Variants in GRIK2 observed in about 807,000 individuals in gnomAD.
GRIK2 encodes the protein glutamate receptor ionotropic, kainate 2.
In GRIK2, 32 loss-of-function variants were observed where a neutral mutation model predicts 100.3. That is an observed-to-expected ratio of 0.32 (90% CI 0.24 to 0.43). The LOEUF is 0.43. Ranked by LOEUF, GRIK2 falls within the 20% of genes least tolerant of loss-of-function variation. GRIK2 has a pLI of 1.00. For synonymous variants in GRIK2, 417 were observed against 389.4 expected, an observed-to-expected ratio of 1.07 and a Z score of -0.83; for missense variants, 843 against 1,114.9, an observed-to-expected ratio of 0.76 and a Z score of 3.47.
At chr6:101,668,419 C>T (rs377272713) in intron 4 of GRIK2, among the ~76,000 whole-genome samples, 1 of 152,158 alleles carries the variant, frequency 6.6e-6, no homozygotes, top group South Asian at 2.1e-4. Context: ...ATTTTTACAG[C>T]ATTGCCACAC....
At chr6:101,441,912 T>C (rs1325486030) in intron 2 of GRIK2, among the ~76,000 whole-genome samples, 1 of 151,784 alleles carries the variant, frequency 6.6e-6, no homozygotes, top group South Asian at 2.1e-4. Context: ...GAAAGTAGTC[T>C]GGGAAACTTC....
At chr6:101,667,024 C>T (rs779772308) in intron 4 of GRIK2, among the ~76,000 whole-genome samples, 8 of 152,120 alleles carry the variant, frequency 5.3e-5, no homozygotes, top group Non-Finnish European at 1.2e-4. Flanking sequence ...AAGTTTAAAA[C>T]ATTTAAATAC....
At chr6:101,534,191 T>G (rs1231473294) in intron 2 of GRIK2, among the ~76,000 whole-genome samples, 1 of 151,866 alleles carries the variant, frequency 6.6e-6, no homozygotes, top group Non-Finnish European at 1.5e-5. Context: ...TAGTCTGCTT[T>G]CAGTAGACAG....
chr6:101,730,136 T>C (rs1775157052), intron 7 of GRIK2, among the ~76,000 whole-genome samples: 1 of 151,946 alleles, frequency 6.6e-6, no homozygotes, highest in South Asian at 2.1e-4. Context: ...ACAGTTTACT[T>C]TGGCAGAATC....
At chr6:101,780,883 G>C (rs1562379898) in intron 7 of GRIK2, among the ~76,000 whole-genome samples, 1 of 152,168 alleles carries the variant, frequency 6.6e-6, no homozygotes, top group Non-Finnish European at 1.5e-5. Flanking sequence ...AAGCAAACTA[G>C]AATGTTGAAG....
chr6:101,435,394 T>A lies in GRIK2; in HGVS notation c.115+36002T>A, dbSNP rs902914849. ...TGTGAAGGCACACGGTGATTTTTTT[T>A]TTTTTTTTTGGCAATAAAAGAAAGT... On this transcript the variant is annotated intron_variant, in intron 2 of 16. Transcript: ENST00000369134. Among the ~76,000 whole-genome samples the A allele has an allele frequency of 9.9e-5, 15 of 152,172 alleles. 1 individual carries two copies. Among genetic ancestry groups the A allele is most frequent in the Admixed American group, 9.2e-4 (14 of 15,266 alleles).
At position 102,068,667 on chromosome 6, in the gene GRIK2, G is replaced by A. The variant is rs1772132983; in HGVS notation, c.*156G>A. On this transcript the variant is annotated 3_prime_UTR_variant, in exon 17 of 17. Coordinates refer to ENST00000369134, the MANE Select transcript of GRIK2 (RefSeq NM_021956.5). ...TAGAGACTCTGTGATCTAAGCAGTT[G>A]CAATGATCAGACTTGATTTACAAGC... 1.6e-6 allele frequency: 1 copy of A among 619,194 alleles called. No individual in the cohort carries two copies. The allele number at this position is 619,194 out of a possible 1,614,324, so 38.4% of individuals were successfully genotyped here.
At chr6:101,759,961 C>A (rs1174250157) in intron 7 of GRIK2, among the ~76,000 whole-genome samples, 4 of 102,610 alleles carry the variant, frequency 3.9e-5, no homozygotes, top group African/African-American at 1.2e-4. Flanking sequence ...GGCTCACTTC[C>A]CGGGTTCACG....
chr6:101,789,553 C>G (rs1425474112), intron 7 of GRIK2, among the ~76,000 whole-genome samples: 1 of 152,168 alleles, frequency 6.6e-6, no homozygotes, highest in African/African-American at 2.4e-5. Flanking sequence ...CTGTTCTGTT[C>G]CATTGATCTG....
In GRIK2 at chr6:101,802,380, G is replaced by A. The variant is rs753559347; in HGVS notation, c.1145G>A (p.Gly382Asp). The A allele has an allele frequency of 1.4e-5, 22 of 1,593,238 alleles. No individual in the cohort carries two copies. The highest frequency in any genetic ancestry group is 1.8e-5 in the Non-Finnish European group (21 of 1,168,238). ...AGAATAACTTTCAACAAAACCAATG[G>A]CTTGAGAACAGATTTTGATTTGGAT... ...TGRITFNKTN[G>D]LRTDFDLDVI... The change falls in exon 9 of 17, where the codon GGC becomes GAC. Residue 382 changes from glycine to aspartate, a missense_variant. Physicochemically the swap from Gly to Asp is moderately conservative, Grantham distance 94 (BLOSUM62 -1). Transcript: ENST00000369134.
At chr6:101,422,650 C>T (rs1776465235) in intron 2 of GRIK2, among the ~76,000 whole-genome samples, 1 of 151,482 alleles carries the variant, frequency 6.6e-6, no homozygotes, top group African/African-American at 2.4e-5. Flanking sequence ...TTTACTCCAC[C>T]CCTGCCTTTG....
chr6:102,040,085 GTAAC>G (rs774408288), intron 15 of GRIK2, among the ~76,000 whole-genome samples: 13 of 151,354 alleles, frequency 8.6e-5, no homozygotes, highest in Admixed American at 1.3e-4. Flanking sequence ...TTAACAGTGA[GTAAC>G]TATTTCTGTG....
intron 2 of GRIK2, among the ~76,000 whole-genome samples, chr6:101,474,025 CCT>C (rs2128257561): frequency 6.6e-6 from 1 of 151,864 alleles, no homozygotes; most frequent in South Asian, 2.1e-4. Context: ...TCTTTTTAAG[CCT>C]CCTCTCCCAT....
intron 5 of GRIK2, among the ~76,000 whole-genome samples, chr6:101,678,063 G>T (rs1408575559): frequency 6.6e-6 from 1 of 152,030 alleles, no homozygotes; most frequent in East Asian, 1.9e-4. Context: ...TCCTGATCAT[G>T]GTTTGAATAC....
chr6:101,701,751 A>C (rs955712158), intron 7 of GRIK2, among the ~76,000 whole-genome samples: 4 of 152,094 alleles, frequency 2.6e-5, no homozygotes, highest in African/African-American at 9.7e-5. Flanking sequence ...CTTTTAAAAC[A>C]TCATAATTTG....
At chr6:101,996,205 T>C (rs1292522490) in intron 14 of GRIK2, among the ~76,000 whole-genome samples, 1 of 152,096 alleles carries the variant, frequency 6.6e-6, no homozygotes, top group African/African-American at 2.4e-5. Context: ...TAAAAGGTAA[T>C]GCAGGCAGTT....
At chr6:102,052,436 G>C (rs1216714725) in intron 15 of GRIK2, among the ~76,000 whole-genome samples, 1 of 152,156 alleles carries the variant, frequency 6.6e-6, no homozygotes, top group Non-Finnish European at 1.5e-5. Context: ...AGGTTTGCTA[G>C]CAATGGGAAA....
intron 14 of GRIK2, among the ~76,000 whole-genome samples, chr6:101,996,510 C>G (rs1394009526): frequency 6.6e-6 from 1 of 151,924 alleles, no homozygotes; most frequent in Non-Finnish European, 1.5e-5. Context: ...GCAGGAGGAT[C>G]TTCATGTTTG....
rs1773453806 is a variant in GRIK2, at chr6:101,707,948, G to T, written c.951+21595G>T. Among the ~76,000 whole-genome samples the T allele has an allele frequency of 2.0e-5, 3 of 151,688 alleles. No individual in the cohort carries two copies. The South Asian group carries it at 6.2e-4, about 31-fold the overall frequency. ...TGTGTTTGGTACTGCTGATACAAAG[G>T]CAAGTAAATCAAGTGTTACCTCTTC... On this transcript the variant is annotated intron_variant, in intron 7 of 16. Coordinates refer to ENST00000369134, the MANE Select transcript of GRIK2 (RefSeq NM_021956.5).
Sources: gnomAD v4.1 joint callset for allele counts (sites outside exome capture counted in the v4.1 genomes callset) on GRCh38, gnomAD v4.1.1 for gene constraint, MANE v1.5 for transcripts, NCBI Gene and HGNC (gene_info 2026-07-23, HGNC 2026-07-21) for gene names.